UBE2F: variants seen among roughly 807,000 people sequenced by gnomAD.
UBE2F encodes the protein ubiquitin conjugating enzyme E2 F (putative), also known as NEDD8-conjugating enzyme UBE2F.
A neutral mutation model predicts 29.6 loss-of-function variants in UBE2F; 5 were observed. The observed-to-expected ratio is 0.17, with a 90% CI of 0.09 to 0.36. UBE2F has a LOEUF of 0.36. Among genes scored for constraint, UBE2F ranks in the 10% least tolerant of loss-of-function variants. The pLI, the probability that UBE2F is intolerant of heterozygous loss-of-function variation, is 1.00. For missense variants in UBE2F, 141 were observed against 228.5 expected (o/e 0.62, Z 2.47); for synonymous variants, 66 against 81.8 (o/e 0.81, Z 1.04).
At chr2:238,014,027 C>T (rs751612924) in intron 4 of UBE2F, among the ~76,000 whole-genome samples, 7 of 152,190 alleles carry the variant, frequency 4.6e-5, no homozygotes, top group Non-Finnish European at 1.0e-4. Flanking sequence ...TACCTGCCGG[C>T]TGTGGAAGTG....
At chr2:237,992,843 T>C (rs975412605) in intron 3 of UBE2F, among the ~76,000 whole-genome samples, 43 of 152,370 alleles carry the variant, frequency 2.8e-4, no homozygotes, top group African/African-American at 1.0e-3. Context: ...TAAAAATTTT[T>C]ATCATTGTCA....
intron 5 of UBE2F, 116 bp downstream of exon 5, chr2:238,016,749 T>A: frequency 3.9e-6 from 3 of 773,630 alleles, no homozygotes; most frequent in South Asian, 1.8e-5. Flanking sequence ...CATGTGTGAC[T>A]GAGTACTCAC....
chr2:238,013,571 C>T (rs1474457294), intron 4 of UBE2F, among the ~76,000 whole-genome samples: 1 of 152,184 alleles, frequency 6.6e-6, no homozygotes, highest in East Asian at 1.9e-4. Flanking sequence ...GCCTCAAGGG[C>T]GTTGTCCACA....
At chr2:238,030,491 A>G in intron 6 of UBE2F, 65 bp from the exon 7 acceptor site, 1 of 1,141,198 alleles carries the variant, frequency 8.8e-7, no homozygotes, top group Non-Finnish European at 1.3e-6. Flanking sequence ...CGAGAGGACT[A>G]GTTGGCAGCG....
At chr2:237,997,270 A>G (rs909643578) in intron 4 of UBE2F, among the ~76,000 whole-genome samples, 1 of 152,202 alleles carries the variant, frequency 6.6e-6, no homozygotes, top group Non-Finnish European at 1.5e-5. Context: ...TGGTACCTGT[A>G]AATACTTAAT....
At chr2:237,976,590 G>GT (rs143304237) in intron 2 of UBE2F, among the ~76,000 whole-genome samples, 2,597 of 152,240 alleles carry the variant, frequency 0.017, 73 homozygotes, top group African/African-American at 0.058. Flanking sequence ...CCTTGTTGCC[G>GT]TGTCTTCACA....
At chr2:237,983,658 G>A (rs1447145380) in intron 2 of UBE2F, among the ~76,000 whole-genome samples, 1 of 152,034 alleles carries the variant, frequency 6.6e-6, no homozygotes, top group Non-Finnish European at 1.5e-5. Flanking sequence ...TTCACTTCTT[G>A]AAGGAATTGT....
At chr2:238,029,297 A>AC (rs1183399691) in intron 6 of UBE2F, among the ~76,000 whole-genome samples, 1 of 152,026 alleles carries the variant, frequency 6.6e-6, no homozygotes, top group Admixed American at 6.5e-5. Context: ...AAAAAAAAAA[A>AC]CCCAGTTACG....
chr2:237,967,366 G>C lies in UBE2F; in HGVS notation c.-17+234G>C, dbSNP rs1347384359. ...CCGGGGGTCGGAGGCGGCGTCGGCG[G>C]CCGGGGCGCTGGCCTCGCCCGGCAG... On this transcript the variant is annotated intron_variant, in intron 1 of 9. Transcript: ENST00000272930. This position sits in a 1 kb window ranked among gnomAD's most constrained non-coding sequence, Gnocchi z 6.3. Among the ~76,000 whole-genome samples the C allele has an allele frequency of 6.7e-6, 1 of 148,674 alleles. No homozygotes were observed. Among genetic ancestry groups the C allele is most frequent in the Non-Finnish European group, 1.5e-5 (1 of 66,798 alleles).
chr2:237,975,927 T>C (rs559080085), intron 2 of UBE2F, among the ~76,000 whole-genome samples: 1 of 152,314 alleles, frequency 6.6e-6, no homozygotes, highest in South Asian at 2.1e-4. Flanking sequence ...CATGAGCCAC[T>C]GTGCCTGGCC....
At chr2:237,988,216 G>A (rs2063520038) in intron 3 of UBE2F, among the ~76,000 whole-genome samples, 1 of 152,154 alleles carries the variant, frequency 6.6e-6, no homozygotes, top group South Asian at 2.1e-4. Flanking sequence ...GGGAGGCAGA[G>A]GCAGCTGGAT....
intron 3 of UBE2F, among the ~76,000 whole-genome samples, chr2:237,991,597 TTTTC>T (rs796514062): frequency 1.8e-4 from 17 of 96,980 alleles, no homozygotes; most frequent in African/African-American, 6.7e-4. Context: ...CTTTCTTTTC[TTTTC>T]TTTCTTTCTT....
At chr2:237,972,054 C>T (rs991120170) in intron 1 of UBE2F, among the ~76,000 whole-genome samples, 9 of 152,236 alleles carry the variant, frequency 5.9e-5, no homozygotes, top group African/African-American at 2.2e-4. Context: ...GAGCTTGCAG[C>T]AGGGGAACCT....
At chr2:238,001,326 C>G (rs979346097) in intron 4 of UBE2F, among the ~76,000 whole-genome samples, 1 of 152,164 alleles carries the variant, frequency 6.6e-6, no homozygotes, top group Non-Finnish European at 1.5e-5. Context: ...AGCCACCACA[C>G]CCAGCCTGAT....
chr2:237,970,121 T>G (rs1033216427), intron 1 of UBE2F, among the ~76,000 whole-genome samples: 4 of 152,124 alleles, frequency 2.6e-5, no homozygotes, highest in African/African-American at 9.7e-5. Flanking sequence ...TCCCAGCACT[T>G]TGGGAGGCTG....
intron 4 of UBE2F, among the ~76,000 whole-genome samples, chr2:238,006,359 G>A (rs1411860403): frequency 2.0e-5 from 3 of 152,104 alleles, no homozygotes; most frequent in East Asian, 1.9e-4. Context: ...CAAACAATGG[G>A]CATCACATTT....
At chr2:237,994,700 G>A (rs771766245) in intron 3 of UBE2F, 44 bp from the exon 4 acceptor site, 8 of 1,514,832 alleles carry the variant, frequency 5.3e-6, no homozygotes, top group African/African-American at 1.4e-5. Context: ...CATATGGACT[G>A]CTGCTCACTG....
chr2:237,984,058 T>TCCCTACTCCTCCTCTTCCTACCCCTC lies in UBE2F; in HGVS notation c.119-3888_119-3863dup, dbSNP rs1559204029. ...CCCTACTCCTCCTCTTCTTACCCCT[T>TCCCTACTCCTCCTCTTCCTACCCCTC]CCCTACTCCTCCTCTTCCTACCCCT... is the stretch of plus-strand genomic sequence containing the variant. On this transcript the variant is annotated intron_variant, in intron 2 of 9. Coordinates refer to ENST00000272930, the MANE Select transcript of UBE2F (RefSeq NM_080678.3). 1.6e-3 allele frequency among the ~76,000 whole-genome samples: 242 copies of TCCCTACTCCTCCTCTTCCTACCCCTC among 149,202 alleles called. 1 individual carries two copies. Among genetic ancestry groups the TCCCTACTCCTCCTCTTCCTACCCCTC allele is most frequent in the African/African-American group, 5.7e-3 (229 of 40,322 alleles).
At chr2:238,015,908 G>A (rs1413117284) in intron 4 of UBE2F, among the ~76,000 whole-genome samples, 2 of 152,086 alleles carry the variant, frequency 1.3e-5, no homozygotes, top group South Asian at 2.1e-4. Flanking sequence ...TACAGGGTGT[G>A]GGGGGCGGGG....
Sources: gnomAD v4.1 joint callset for allele counts (sites outside exome capture counted in the v4.1 genomes callset) on GRCh38, gnomAD v4.1.1 for gene constraint, Gnocchi (gnomAD v3.1) non-coding constraint, MANE v1.5 for transcripts, NCBI Gene and HGNC (gene_info 2026-07-23, HGNC 2026-07-21) for gene names.